TPH2: variants seen among roughly 807,000 people sequenced by gnomAD.
TPH2 encodes the protein tryptophan hydroxylase 2.
Under a neutral mutation model 59.1 loss-of-function variants are expected in TPH2, and 27 were observed. That is an observed-to-expected ratio of 0.46 (90% CI 0.34 to 0.63). TPH2 has a LOEUF of 0.63. TPH2 is among the 30% of genes least tolerant of loss of function. The pLI is 0.01. For synonymous variants in TPH2, 220 were observed against 210.5 expected (o/e 1.05, Z -0.39); for missense variants, 523 against 588.3 (o/e 0.89, Z 1.15).
chr12:71,969,646 T>C (rs1871917923), intron 5 of TPH2, among the ~76,000 whole-genome samples: 1 of 152,244 alleles, frequency 6.6e-6, no homozygotes, highest in Non-Finnish European at 1.5e-5. Context: ...TATAATTGTA[T>C]ATGAGATTTT....
chr12:71,980,273 G>A (rs1432250734), intron 7 of TPH2, among the ~76,000 whole-genome samples: 5 of 152,100 alleles, frequency 3.3e-5, no homozygotes, highest in Non-Finnish European at 1.5e-5. Context: ...TGTTCTTCAG[G>A]CCACTCAGGG....
At chr12:72,007,824 C>A (rs375586733) in intron 8 of TPH2, among the ~76,000 whole-genome samples, 1 of 151,756 alleles carries the variant, frequency 6.6e-6, no homozygotes, top group Non-Finnish European at 1.5e-5. Context: ...AAAAAGCCAA[C>A]GGTATAATAG....
intron 2 of TPH2, among the ~76,000 whole-genome samples, chr12:71,942,691 GTACAAC>G (rs1212093533): frequency 1.1e-4 from 17 of 152,216 alleles, no homozygotes; most frequent in Admixed American, 2.6e-4. Context: ...TTTGTAAAGT[GTACAAC>G]TATGAGGCAT....
intron 5 of TPH2, among the ~76,000 whole-genome samples, chr12:71,971,869 A>G (rs1037886213): frequency 3.3e-5 from 5 of 152,206 alleles, no homozygotes; most frequent in African/African-American, 1.2e-4. Context: ...CCACAAGCCT[A>G]AAATATTTAC....
rs770384624 is a variant in TPH2 at position 71,941,756 on chromosome 12, TAATTTTA to T, written c.255+26_255+32del. On this transcript the variant is annotated intron_variant, in intron 2 of 10. Coordinates refer to ENST00000333850, the MANE Select transcript of TPH2 (RefSeq NM_173353.4). ...CAGGTGAATGTGAAATATCATTACA[TAATTTTA>T]AAAGTGACCGTGTGCCTGGGTACAA... The T allele has an allele frequency of 9.3e-6, 15 of 1,611,546 alleles. No homozygotes were observed. In the African/African-American group the frequency reaches 1.6e-4, roughly 17 times the overall value.
chr12:71,946,054 T>A (rs535600626), intron 4 of TPH2, among the ~76,000 whole-genome samples: 52 of 152,246 alleles, frequency 3.4e-4, no homozygotes, highest in Middle Eastern at 6.8e-3. Flanking sequence ...AGCTAAGCAG[T>A]ACCCGGGCTG....
At chr12:71,939,197 T>C in intron 1 of TPH2, 106 bp downstream of exon 1, 1 of 819,066 alleles carries the variant, frequency 1.2e-6, no homozygotes, top group South Asian at 1.4e-5. Flanking sequence ...ACACCTCAAA[T>C]TTCTCCTTCT....
intron 8 of TPH2, among the ~76,000 whole-genome samples, chr12:72,004,814 A>C (rs1324822966): frequency 6.6e-6 from 1 of 152,168 alleles, no homozygotes; most frequent in African/African-American, 2.4e-5. Flanking sequence ...CCATTCCACA[A>C]ATGTAGTTTT....
intron 5 of TPH2, chr12:71,962,564 T>A (rs1373231152): frequency 1.0e-6 from 1 of 985,182 alleles, no homozygotes; most frequent in East Asian, 1.1e-4. Flanking sequence ...CAATCCTGAA[T>A]CTTTGCTTTT....
At chr12:71,984,569 G>A (rs999518166) in intron 7 of TPH2, among the ~76,000 whole-genome samples, 9 of 152,170 alleles carry the variant, frequency 5.9e-5, no homozygotes, top group Admixed American at 2.0e-4. Flanking sequence ...TGCAGAGCTG[G>A]GAGGATAAAC....
chr12:72,020,135 A>G (rs1873369992), intron 8 of TPH2, among the ~76,000 whole-genome samples: 1 of 152,206 alleles, frequency 6.6e-6, no homozygotes, highest in African/African-American at 2.4e-5. Context: ...ATGTCTGAAG[A>G]CATTTTTGGT....
intron 8 of TPH2, among the ~76,000 whole-genome samples, chr12:72,009,728 GC>G (rs1046109252): frequency 7.2e-5 from 11 of 152,208 alleles, no homozygotes; most frequent in Non-Finnish European, 1.0e-4. Context: ...GAAGGCACCT[GC>G]CCCAGGGCAG....
intron 8 of TPH2, among the ~76,000 whole-genome samples, chr12:71,997,005 A>T (rs910731238): frequency 6.6e-6 from 1 of 152,226 alleles, no homozygotes; most frequent in African/African-American, 2.4e-5. Flanking sequence ...CAAGTGGAGA[A>T]GAGTGAAAGA....
intron 9 of TPH2, among the ~76,000 whole-genome samples, chr12:72,024,418 T>A (rs1204434790): frequency 6.6e-6 from 1 of 152,244 alleles, no homozygotes; most frequent in Non-Finnish European, 1.5e-5. Context: ...AAAAAACTGA[T>A]GACCTGATGT....
intron 5 of TPH2, among the ~76,000 whole-genome samples, chr12:71,967,952 G>A (rs1185213261): frequency 1.3e-5 from 2 of 152,174 alleles, no homozygotes. Flanking sequence ...AATGTGTGTG[G>A]ATGTGCATGT....
Position 72,004,484 on chromosome 12 carries a change from C to G in TPH2, c.1068+9919C>G, listed in dbSNP as rs1872901964. Among the ~76,000 whole-genome samples, 2 of 138,864 alleles carry G rather than the reference C, an allele frequency of 1.4e-5. 1 individual carries two copies. The highest frequency in any genetic ancestry group is 3.1e-5 in the Non-Finnish European group (2 of 64,478). The allele number at this position is 138,864 out of a possible 152,430, so 91.1% of individuals were successfully genotyped here. ...AATTTTAAAGTCATTTTAAGTCCCC[C>G]AATTCTCTAGTTTTTCCCATAATTC... On this transcript the variant is annotated intron_variant, in intron 8 of 10. Transcript: ENST00000333850.
intron 8 of TPH2, among the ~76,000 whole-genome samples, chr12:72,015,909 T>TGATA (rs1873237026): frequency 6.6e-6 from 1 of 151,986 alleles, no homozygotes; most frequent in South Asian, 2.1e-4. Flanking sequence ...GAGCATAAGG[T>TGATA]GATAGCTACT....
intron 7 of TPH2, among the ~76,000 whole-genome samples, chr12:71,989,491 C>T (rs1190770589): frequency 6.6e-6 from 1 of 152,210 alleles, no homozygotes; most frequent in Admixed American, 6.5e-5. Flanking sequence ...TGCCACTCAT[C>T]TCCCTTTCCT....
chr12:71,986,212 A>G (rs1234634941), intron 7 of TPH2, among the ~76,000 whole-genome samples: 1 of 152,156 alleles, frequency 6.6e-6, no homozygotes, highest in African/African-American at 2.4e-5. Context: ...ATGAAATAAC[A>G]CTTTGATCTT....
Sources: gnomAD v4.1 joint callset for allele counts (sites outside exome capture counted in the v4.1 genomes callset) on GRCh38, gnomAD v4.1.1 for gene constraint, MANE v1.5 for transcripts, NCBI Gene and HGNC (gene_info 2026-07-23, HGNC 2026-07-21) for gene names.